SMARCC1: variants seen among roughly 807,000 people sequenced by gnomAD.
SMARCC1 encodes SWI/SNF related BAF chromatin remodeling complex subunit C1, also known as SWI/SNF complex subunit SMARCC1.
A neutral mutation model predicts 147.4 loss-of-function variants in SMARCC1; 43 were observed. The observed-to-expected ratio is 0.29, with a 90% CI of 0.23 to 0.38. The LOEUF (loss-of-function observed/expected upper bound fraction) is 0.38. Among genes scored for constraint, SMARCC1 ranks in the 10% least tolerant of loss-of-function variants. SMARCC1 has a pLI of 1.00. For synonymous variants in SMARCC1, 495 were observed against 484.4 expected (o/e 1.02, Z -0.29); for missense variants, 1,119 against 1,381.1 (o/e 0.81, Z 3.01).
At chr3:47,687,529 C>T (rs1053410867) in intron 13 of SMARCC1, among the ~76,000 whole-genome samples, 1 of 152,174 alleles carries the variant, frequency 6.6e-6, no homozygotes, top group African/African-American at 2.4e-5. Flanking sequence ...GATATATAAA[C>T]GACTGGTATA....
At chr3:47,690,620 C>T (rs753827435) in intron 12 of SMARCC1, among the ~76,000 whole-genome samples, 2 of 152,114 alleles carry the variant, frequency 1.3e-5, no homozygotes, top group Non-Finnish European at 2.9e-5. Flanking sequence ...AGACCAGGAC[C>T]CAAATCGGGG....
At chr3:47,713,828 A>G (rs2034121571) in intron 8 of SMARCC1, among the ~76,000 whole-genome samples, 1 of 152,182 alleles carries the variant, frequency 6.6e-6, no homozygotes, top group Non-Finnish European at 1.5e-5. Context: ...TACCCAAATG[A>G]CATCATCAGT....
chr3:47,738,087 G>C lies in SMARCC1; in HGVS notation c.425C>G (p.Pro142Arg), dbSNP rs756640578. The part of the protein sequence containing the change: ...QGWRRFDLQN[P>R]SRMDRNVEMF... Reference sequence around the variant, plus strand: ...TTCCACATTACGATCCATTCGAGATGGGTTCTGTAGGTCAAACCTCCGCCT... The same window carrying C: ...TTCCACATTACGATCCATTCGAGATCGGTTCTGTAGGTCAAACCTCCGCCT... Residue 142 changes from proline (P) to arginine (R), a missense_variant, in exon 4 of 28, where the codon CCA (proline) becomes CGA (arginine). By Grantham distance (103) the Pro-to-Arg change is moderately radical (BLOSUM62 -2). This residue lies in a region of SMARCC1 where 542 missense variants were observed against 611.8 expected (regional missense o/e 0.89). Transcript: ENST00000254480. The C allele has an allele frequency of 1.3e-6, 2 of 1,584,520 alleles. No individual in the cohort carries two copies. Among genetic ancestry groups the C allele is most frequent in the Non-Finnish European group, 1.7e-6 (2 of 1,165,840 alleles).
intron 12 of SMARCC1, among the ~76,000 whole-genome samples, chr3:47,692,208 C>CA (rs1396575079): frequency 3.9e-5 from 6 of 152,238 alleles, no homozygotes; most frequent in Middle Eastern, 3.4e-3. Flanking sequence ...TACAACTCTC[C>CA]AGAACAAAGA....
intron 8 of SMARCC1, among the ~76,000 whole-genome samples, chr3:47,712,424 TA>T (rs1413938176): frequency 2.0e-5 from 3 of 151,966 alleles, no homozygotes; most frequent in African/African-American, 7.3e-5. Flanking sequence ...CTTTTTTTTT[TA>T]AAAGAGCTGA....
chr3:47,728,078 C>CTTTTTT lies in SMARCC1; in HGVS notation c.646+941_646+946dup, dbSNP rs1166964500. ...CCGGATTTAACCACCTTATTAGTCC[C>CTTTTTT]TTTTTTTTTTTTTTTTTTTTTTTTT... is the stretch of plus-strand genomic sequence containing the variant. On this transcript the variant is annotated intron_variant, in intron 6 of 27. Transcript: ENST00000254480. Among the ~76,000 whole-genome samples, 87 of 56,860 alleles carry CTTTTTT rather than the reference C, an allele frequency of 1.5e-3. 18 individuals carry two copies. Among genetic ancestry groups the CTTTTTT allele is most frequent in the Non-Finnish European group, 1.9e-3 (65 of 33,870 alleles). The allele number at this position is 56,860 out of a possible 152,430, so 37.3% of individuals were successfully genotyped here.
At chr3:47,614,910 C>CTTTATGCTCCTAACTCCCTTGACTCA (rs2106675952) in intron 25 of SMARCC1, among the ~76,000 whole-genome samples, 2 of 152,332 alleles carry the variant, frequency 1.3e-5, no homozygotes, top group South Asian at 4.1e-4. Context: ...ATCTCTTTGA[C>CTTTATGCTCCTAACTCCCTTGACTCA]TTTATGCTCC....
chr3:47,744,873 T>C (rs2034549481), intron 3 of SMARCC1, among the ~76,000 whole-genome samples: 1 of 152,200 alleles, frequency 6.6e-6, no homozygotes, highest in Admixed American at 6.6e-5. Flanking sequence ...TCTCAATCTA[T>C]CTACAACACT....
At chr3:47,637,549 T>C (rs1172992846) in intron 22 of SMARCC1, among the ~76,000 whole-genome samples, 1 of 152,082 alleles carries the variant, frequency 6.6e-6, no homozygotes, top group Admixed American at 6.6e-5. Flanking sequence ...ACGTCTCTAC[T>C]AAAAATACAA....
intron 26 of SMARCC1, among the ~76,000 whole-genome samples, chr3:47,595,741 T>C (rs2032265752): frequency 6.8e-6 from 1 of 146,088 alleles, no homozygotes; most frequent in South Asian, 2.2e-4. Flanking sequence ...TTTTTCTTTT[T>C]CTTTTTTTTT....
chr3:47,728,142 AG>A (rs1212443414), intron 6 of SMARCC1, among the ~76,000 whole-genome samples: 1 of 115,276 alleles, frequency 8.7e-6, no homozygotes, highest in African/African-American at 3.4e-5. Flanking sequence ...GCTGGAGTGC[AG>A]TGGCAAGATC....
chr3:47,618,708 G>A (rs1287743812), intron 25 of SMARCC1, among the ~76,000 whole-genome samples: 2 of 152,128 alleles, frequency 1.3e-5, no homozygotes, highest in African/African-American at 4.8e-5. Context: ...AAGTGGAAAG[G>A]GGATGCGAAC....
At chr3:47,662,181 T>C (rs988002953) in intron 20 of SMARCC1, among the ~76,000 whole-genome samples, 153 bp downstream of exon 20, 18 of 152,288 alleles carry the variant, frequency 1.2e-4, no homozygotes, top group African/African-American at 2.6e-4. Context: ...CAGCCAAATA[T>C]TGTAATACTT....
chr3:47,704,435 T>C (rs571913247), intron 10 of SMARCC1, among the ~76,000 whole-genome samples: 53 of 152,306 alleles, frequency 3.5e-4, no homozygotes, highest in African/African-American at 1.3e-3. Flanking sequence ...TGGTATGCGT[T>C]ATATTCAGAG....
intron 1 of SMARCC1, among the ~76,000 whole-genome samples, chr3:47,781,315 A>T (rs1344275339): frequency 6.6e-6 from 1 of 152,178 alleles, no homozygotes; most frequent in East Asian, 1.9e-4. Context: ...CAAAAGAGAG[A>T]GAGTCACACT....
At chr3:47,691,310 G>C (rs1313394034) in intron 12 of SMARCC1, among the ~76,000 whole-genome samples, 3 of 152,116 alleles carry the variant, frequency 2.0e-5, no homozygotes, top group Non-Finnish European at 2.9e-5. Flanking sequence ...GCAGAATATA[G>C]AGCAGTTAAA....
intron 2 of SMARCC1, among the ~76,000 whole-genome samples, chr3:47,763,969 T>G (rs1182257662): frequency 5.9e-5 from 9 of 151,726 alleles, no homozygotes; most frequent in African/African-American, 2.2e-4. Flanking sequence ...TCCTCTAGCC[T>G]CAGCCACCCA....
chr3:47,761,974 A>C (rs2034779431), intron 2 of SMARCC1, among the ~76,000 whole-genome samples: 1 of 151,892 alleles, frequency 6.6e-6, no homozygotes, highest in African/African-American at 2.4e-5. Context: ...TAGAGACAGG[A>C]TCTCACAAGG....
At chr3:47,754,682 G>T (rs1406401579) in intron 2 of SMARCC1, among the ~76,000 whole-genome samples, 1 of 152,016 alleles carries the variant, frequency 6.6e-6, no homozygotes, top group African/African-American at 2.4e-5. Context: ...ATCCCCAGGT[G>T]CAAAAATCAA....
Sources: gnomAD v4.1 joint callset for allele counts (sites outside exome capture counted in the v4.1 genomes callset) on GRCh38, gnomAD v4.1.1 for gene constraint, gnomAD v4.1.1 regional missense constraint, MANE v1.5 for transcripts, NCBI Gene and HGNC (gene_info 2026-07-23, HGNC 2026-07-21) for gene names.